The following ANKDD1B variants were observed in gnomAD, a reference collection of about 807,000 sequenced individuals.
ANKDD1B encodes the protein ankyrin repeat and death domain containing 1B.
In ANKDD1B, 57 loss-of-function variants were observed where a neutral mutation model predicts 59.7. The observed-to-expected ratio is 0.95, with a 90% CI of 0.77 to 1.19. The LOEUF (loss-of-function observed/expected upper bound fraction) is 1.19, where lower values mean the gene tolerates loss of function less well. Among genes scored for constraint, ANKDD1B ranks in the 50% most tolerant of loss-of-function variants. The pLI is 0.00. For missense variants in ANKDD1B, 602 were observed against 641.9 expected (o/e 0.94, Z 0.67); for synonymous variants, 216 against 239.5 (o/e 0.90, Z 0.91).
chr5:75,659,220 G>C, intron 9 of ANKDD1B, 63 bp from the exon 10 acceptor site: 1 of 1,163,508 alleles, frequency 8.6e-7, no homozygotes, highest in South Asian at 1.3e-5. Context: ...TAAATAGGAT[G>C]GCTATACTTT....
chr5:75,657,686 A>T (rs1414945866), intron 9 of ANKDD1B, among the ~76,000 whole-genome samples: 1 of 152,086 alleles, frequency 6.6e-6, no homozygotes, highest in East Asian at 1.9e-4. Context: ...AGGCGGGCGG[A>T]TCATGAGGTC....
intron 5 of ANKDD1B, among the ~76,000 whole-genome samples, chr5:75,626,442 A>G (rs1404877310): frequency 6.6e-6 from 1 of 152,228 alleles, no homozygotes; most frequent in Non-Finnish European, 1.5e-5. Context: ...GTAGGTACAG[A>G]GGAAAGCTAT....
At chr5:75,655,896 A>G (rs1025204380) in intron 8 of ANKDD1B, 133 bp from the exon 9 acceptor site, 3 of 550,524 alleles carry the variant, frequency 5.4e-6, no homozygotes, top group Non-Finnish European at 9.6e-6. Flanking sequence ...ACACTTACTA[A>G]GGGTCACCAC....
intron 1 of ANKDD1B, among the ~76,000 whole-genome samples, chr5:75,613,076 T>C (rs1773614356): frequency 6.6e-6 from 1 of 152,140 alleles, no homozygotes; most frequent in Admixed American, 6.5e-5. Context: ...GACGGAGGTA[T>C]GATGACTGGG....
intron 7 of ANKDD1B, among the ~76,000 whole-genome samples, chr5:75,637,013 G>A (rs1437106004): frequency 2.6e-5 from 4 of 151,968 alleles, no homozygotes; most frequent in East Asian, 1.9e-4. Flanking sequence ...TTGGGCGGCC[G>A]AGGTAGGCGG....
Position 75,635,033 on chromosome 5 carries a change from G to A in ANKDD1B, c.699+37G>A, listed in dbSNP as rs1774262589. On this transcript the variant is annotated intron_variant, in intron 6 of 13. Transcript: ENST00000601380. ...TTTTATTTCTTTGCTGAGAACAAGAGAAAGGGGAGTAACAATTGATGTAGA... is the reference window on the plus strand; with the variant it reads ...TTTTATTTCTTTGCTGAGAACAAGAAAAAGGGGAGTAACAATTGATGTAGA... 4 of 1,343,368 alleles carry A rather than the reference G, an allele frequency of 3.0e-6. No homozygotes were observed. In the South Asian group the frequency reaches 3.8e-5, roughly 13 times the overall value. 83.2% of individuals were successfully genotyped at this position (1,343,368 alleles called of 1,614,324 possible). A position where few individuals can be genotyped will look rare whatever the true frequency, so the allele number is the denominator to read the frequency against.
In ANKDD1B at chr5:75,634,897, G is replaced by A; in HGVS notation, c.601-1G>A. The A allele has an allele frequency of 6.6e-7, 1 of 1,524,134 alleles. No individual in the cohort carries two copies. Among genetic ancestry groups the A allele is most frequent in the Non-Finnish European group, 8.8e-7 (1 of 1,136,218 alleles). The allele number at this position is 1,524,134 out of a possible 1,614,324, so 94.4% of individuals were successfully genotyped here. On this transcript the variant is annotated splice_acceptor_variant, in intron 5 of 13. Coordinates refer to ENST00000601380, the MANE Select transcript of ANKDD1B (RefSeq NM_001276713.2). LOFTEE classifies it high-confidence loss of function. ...GCTTGAGGTTTGTGATTGATTTTTAGAAAGGAAGAAAACCATTTCTTTTGG... is the reference window on the plus strand; with the variant it reads ...GCTTGAGGTTTGTGATTGATTTTTAAAAAGGAAGAAAACCATTTCTTTTGG...
chr5:75,615,022 G>A (rs1446926821), intron 1 of ANKDD1B, among the ~76,000 whole-genome samples: 1 of 152,170 alleles, frequency 6.6e-6, no homozygotes, highest in Non-Finnish European at 1.5e-5. Context: ...ATTACTTAGT[G>A]TCAGGTATTT....
chr5:75,625,529 A>G lies in ANKDD1B; in HGVS notation c.397-118A>G, dbSNP rs188255727. 2.3e-4 allele frequency: 175 copies of G among 747,752 alleles called. 1 individual carries two copies. In the East Asian group the frequency reaches 4.5e-3, roughly 19 times the overall value. 46.3% of individuals were successfully genotyped at this position (747,752 alleles called of 1,614,324 possible). On this transcript the variant is annotated intron_variant, in intron 3 of 13. Coordinates refer to ENST00000601380, the MANE Select transcript of ANKDD1B (RefSeq NM_001276713.2). ...GAAATATCACTTTTGCTGCATATTA[A>G]ATTCTCTATTTCTTAGTTTTCAACA...
At chr5:75,668,541 C>T (rs1396199431) in intron 12 of ANKDD1B, among the ~76,000 whole-genome samples, 1 of 152,180 alleles carries the variant, frequency 6.6e-6, no homozygotes, top group Non-Finnish European at 1.5e-5. Context: ...TCTCCCTCAC[C>T]CCTGCAGAGC....
intron 12 of ANKDD1B, among the ~76,000 whole-genome samples, chr5:75,667,520 C>T (rs1022117733): frequency 6.6e-6 from 1 of 152,034 alleles, no homozygotes; most frequent in Non-Finnish European, 1.5e-5. Flanking sequence ...GTGCCATGAG[C>T]GACACGGCAA....
intron 8 of ANKDD1B, among the ~76,000 whole-genome samples, chr5:75,654,166 C>G (rs1305590542): frequency 2.0e-5 from 3 of 152,198 alleles, no homozygotes; most frequent in Non-Finnish European, 4.4e-5. Context: ...ACTTACTCAG[C>G]TGTGGTCTTC....
intron 7 of ANKDD1B, among the ~76,000 whole-genome samples, chr5:75,650,327 G>A (rs1338653013): frequency 6.6e-6 from 1 of 152,194 alleles, no homozygotes; most frequent in Admixed American, 6.5e-5. Flanking sequence ...GATGCAATGT[G>A]AGAAGGCCTC....
At chr5:75,612,791 G>C (rs939101500) in intron 1 of ANKDD1B, among the ~76,000 whole-genome samples, 2 of 152,172 alleles carry the variant, frequency 1.3e-5, no homozygotes, top group African/African-American at 4.8e-5. Flanking sequence ...GGCTGCCTGG[G>C]ACAATTCTAT....
At chr5:75,612,244 G>A (rs527604821) in intron 1 of ANKDD1B, among the ~76,000 whole-genome samples, 1 of 150,978 alleles carries the variant, frequency 6.6e-6, no homozygotes, top group East Asian at 2.0e-4. Flanking sequence ...TCTATGCCTT[G>A]GGAATAATGT....
At chr5:75,660,510 G>A (rs1020767159) in intron 10 of ANKDD1B, among the ~76,000 whole-genome samples, 1 of 152,158 alleles carries the variant, frequency 6.6e-6, no homozygotes, top group African/African-American at 2.4e-5. Flanking sequence ...ATGGACATTT[G>A]GGTTGCGTCC....
intron 11 of ANKDD1B, among the ~76,000 whole-genome samples, chr5:75,666,302 C>T (rs571585258): frequency 6.6e-6 from 1 of 152,268 alleles, no homozygotes; most frequent in Admixed American, 6.5e-5. Context: ...AGCTAGGCTC[C>T]TAGTTTACTC....
At chr5:75,618,168 A>G (rs1004466987) in intron 2 of ANKDD1B, among the ~76,000 whole-genome samples, 2 of 152,204 alleles carry the variant, frequency 1.3e-5, no homozygotes, top group Admixed American at 1.3e-4. Context: ...AAGGATGGAA[A>G]AGAGGAAAAA....
At chr5:75,655,805 G>C (rs1260712394) in intron 8 of ANKDD1B, among the ~76,000 whole-genome samples, 2 of 152,142 alleles carry the variant, frequency 1.3e-5, no homozygotes, top group African/African-American at 4.8e-5. Flanking sequence ...TTAGTATGTT[G>C]TTCCAGAAAG....
Sources: allele counts gnomAD v4.1 joint callset (sites outside exome capture counted in the v4.1 genomes callset), GRCh38; gene constraint gnomAD v4.1.1; transcripts MANE v1.5; gene names NCBI Gene and HGNC (gene_info 2026-07-23, HGNC 2026-07-21).